The following AP1M2 variants were observed in gnomAD, a reference collection of about 807,000 sequenced individuals.
AP1M2 encodes AP-1 complex subunit mu-2.
In AP1M2, 41 loss-of-function variants were observed where a neutral mutation model predicts 54.6. The observed-to-expected ratio is 0.75, with a 90% CI of 0.59 to 0.97. The LOEUF (loss-of-function observed/expected upper bound fraction) is 0.97. Ranked by LOEUF, AP1M2 falls within the 50% of genes least tolerant of loss-of-function variation. The probability of loss-of-function intolerance (pLI) is 0.00; values close to 1 mark genes in which losing one functional copy is unlikely to be tolerated. For missense variants in AP1M2, 507 were observed against 561.2 expected (o/e 0.90, Z 0.98); for synonymous variants, 219 against 215.9 (o/e 1.01, Z -0.13).
intron 2 of AP1M2, 63 bp from the exon 3 acceptor site, chr19:10,583,736 G>A (rs370360608): frequency 9.1e-6 from 14 of 1,543,276 alleles, no homozygotes; most frequent in South Asian, 2.3e-5. Flanking sequence ...TACAGACCCC[G>A]AACCTCCACC....
intron 8 of AP1M2, among the ~76,000 whole-genome samples, chr19:10,577,644 C>T (rs1292247706): frequency 6.6e-6 from 1 of 150,840 alleles, no homozygotes; most frequent in Non-Finnish European, 1.5e-5. Context: ...AGCATGTTAG[C>T]CAGGATGTTC....
chr19:10,584,534 C>T (rs1025429589), intron 1 of AP1M2, among the ~76,000 whole-genome samples: 4 of 151,704 alleles, frequency 2.6e-5, no homozygotes, highest in African/African-American at 7.3e-5. Flanking sequence ...GAGCCGAGAT[C>T]GTGCCACTGC....
chr19:10,580,211 C>T (rs1917394199), intron 6 of AP1M2, among the ~76,000 whole-genome samples: 1 of 152,078 alleles, frequency 6.6e-6, no homozygotes, highest in Admixed American at 6.6e-5. Context: ...GCTACCACCC[C>T]CGGCTAATTT....
intron 11 of AP1M2, among the ~76,000 whole-genome samples, chr19:10,573,373 T>C (rs4804138): frequency 0.96 from 145,882 of 151,752 alleles, 70,159 homozygotes; most frequent in East Asian, 1. Flanking sequence ...GAGCTGAGAT[T>C]GCGCCACTGC....
At chr19:10,583,732 C>A (rs1315348122) in intron 2 of AP1M2, 59 bp from the exon 3 acceptor site, 2 of 1,548,116 alleles carry the variant, frequency 1.3e-6, no homozygotes, top group Non-Finnish European at 1.8e-6. Context: ...GGAATACAGA[C>A]CCCGAACCTC....
rs1353000575 is a variant in AP1M2, at chr19:10,577,189, G to A, written c.1047+9C>T. 6.2e-7 allele frequency: 1 copy of A among 1,607,396 alleles called. No homozygotes were observed. The highest frequency in any genetic ancestry group is 2.2e-5 in the East Asian group (1 of 44,668). On this transcript the variant is annotated intron_variant, in intron 9 of 11. Transcript: ENST00000250244. ...ACCCCCAGATCCCCCGCCAGTCCCT[G>A]GTACTTACCGGGAAAGACTTAATAC... is the stretch of plus-strand genomic sequence containing the variant.
intron 8 of AP1M2, 113 bp from the exon 9 acceptor site, chr19:10,577,469 T>C (rs534211513): frequency 1.8e-6 from 2 of 1,128,106 alleles, no homozygotes; most frequent in South Asian, 3.4e-5. Context: ...AGTCTCACTC[T>C]GTCGCCCAGG....
chr19:10,581,090 G>C (rs553420494), intron 6 of AP1M2, among the ~76,000 whole-genome samples, 176 bp downstream of exon 6: 1 of 152,170 alleles, frequency 6.6e-6, no homozygotes, highest in Non-Finnish European at 1.5e-5. Context: ...CCCAATAGTC[G>C]CTCAATCATG....
In AP1M2 at chr19:10,577,360, T is replaced by C. The variant is rs1917273992; in HGVS notation, c.889-4A>G. The C allele has an allele frequency of 6.3e-7, 1 of 1,587,154 alleles. No individual in the cohort carries two copies. The highest frequency in any genetic ancestry group is 8.6e-7 in the Non-Finnish European group (1 of 1,163,960). ...GTTTCTTAAACTGCCCCTTGGCCTG[T>C]CAGGGGAGCGAGCATGGGGCACGAA... On this transcript the variant is annotated splice_region_variant and splice_polypyrimidine_tract_variant and intron_variant, in intron 8 of 11. Coordinates refer to ENST00000250244, the MANE Select transcript of AP1M2 (RefSeq NM_005498.5).
intron 2 of AP1M2, 120 bp from the exon 3 acceptor site, chr19:10,583,793 C>A: frequency 6.7e-7 from 1 of 1,494,230 alleles, no homozygotes; most frequent in Non-Finnish European, 9.1e-7. Flanking sequence ...TGCCCCCCAG[C>A]CTAAGCCACA....
intron 1 of AP1M2, among the ~76,000 whole-genome samples, chr19:10,585,263 G>GAAAGAAGAAA (rs1244854476): frequency 8.4e-5 from 6 of 71,406 alleles, no homozygotes; most frequent in African/African-American, 2.9e-4. Context: ...AAGGAAAGAA[G>GAAAGAAGAAA]GAAAGAAAGA....
chr19:10,584,771 T>A (rs1456255690), intron 1 of AP1M2, among the ~76,000 whole-genome samples: 1 of 152,042 alleles, frequency 6.6e-6, no homozygotes, highest in Non-Finnish European at 1.5e-5. Flanking sequence ...GTTATCATCA[T>A]CTCCATTTCA....
At chr19:10,586,325 T>G (rs1325024327) in intron 1 of AP1M2, among the ~76,000 whole-genome samples, 1 of 142,224 alleles carries the variant, frequency 7.0e-6, no homozygotes, top group Non-Finnish European at 1.5e-5. Flanking sequence ...CATGGTGGCA[T>G]GCACCTGTAG....
chr19:10,586,280 C>G (rs1035346054), intron 1 of AP1M2, among the ~76,000 whole-genome samples: 31 of 125,996 alleles, frequency 2.5e-4, no homozygotes, highest in African/African-American at 9.1e-4. Context: ...GAGACTCTGT[C>G]TTGAAAAAAA....
chr19:10,585,283 AAAAGAAAGAAAG>A lies in AP1M2; in HGVS notation c.43-1225_43-1214del, dbSNP rs71297575. Among the ~76,000 whole-genome samples, 632 of 104,626 alleles carry A rather than the reference AAAAGAAAGAAAG, an allele frequency of 6.0e-3. 11 individuals carry two copies. The highest frequency in any genetic ancestry group is 0.011 in the South Asian group (35 of 3,140). 68.6% of individuals were successfully genotyped at this position (104,626 alleles called of 152,430 possible). A position where few individuals can be genotyped will look rare whatever the true frequency, so the allele number is the denominator to read the frequency against. On this transcript the variant is annotated intron_variant, in intron 1 of 11. Transcript: ENST00000250244. ...AAGAAGGAAAGAAAGAAAGAAGAAA[AAAAGAAAGAAAG>A]AAAGAAAGAAAGAAAGAAAGAAAGA...
At position 10,581,336 on chromosome 19, in the gene AP1M2, C is replaced by T. The variant is rs1234197168; in HGVS notation, c.603G>A (p.Lys201=). The change falls in exon 6 of 12, where the codon AAG becomes AAA. Residue 201 remains lysine (K), a synonymous_variant. Transcript: ENST00000250244. ...LSEIVGTIKL[K]VFLSGMPELR... is the part of the protein sequence containing the mutation. ...GCTCTGGCATTCCTGACAGAAACACCTTGAGCTTGATGGTACCGACGATTT... is the reference window on the plus strand; with the variant it reads ...GCTCTGGCATTCCTGACAGAAACACTTTGAGCTTGATGGTACCGACGATTT... 4 of 1,613,782 alleles carry T rather than the reference C, an allele frequency of 2.5e-6. No individual in the cohort carries two copies. In the Admixed American group the frequency reaches 5.0e-5, roughly 20 times the overall value.
intron 9 of AP1M2, among the ~76,000 whole-genome samples, chr19:10,576,141 G>C (rs1376913762): frequency 6.7e-6 from 1 of 149,880 alleles, no homozygotes; most frequent in Non-Finnish European, 1.5e-5. Flanking sequence ...ACCCAGGCTG[G>C]AGTGCGGTGG....
chr19:10,586,628 G>A (rs565077819), intron 1 of AP1M2, among the ~76,000 whole-genome samples: 2 of 152,136 alleles, frequency 1.3e-5, no homozygotes, highest in African/African-American at 2.4e-5. Context: ...CAGCTACTCC[G>A]GAGACTGAGG....
chr19:10,572,765 G>A lies in AP1M2; in HGVS notation c.*301C>T, dbSNP rs909845963. 8 of 337,098 alleles carry A rather than the reference G, an allele frequency of 2.4e-5. No individual in the cohort carries two copies. The highest frequency in any genetic ancestry group is 1.1e-4 in the African/African-American group (5 of 47,298). The allele number at this position is 337,098 out of a possible 1,614,324, so 20.9% of individuals were successfully genotyped here. A position where few individuals can be genotyped will look rare whatever the true frequency, so the allele number is the denominator to read the frequency against. ...TGTGAAGGAGGGACCCGCAACACCC[G>A]CTAAGGCAGGTAATTGCAAGAAGGC... On this transcript the variant is annotated 3_prime_UTR_variant, in exon 12 of 12. Coordinates refer to ENST00000250244, the MANE Select transcript of AP1M2 (RefSeq NM_005498.5).
Sources: allele counts gnomAD v4.1 joint callset (sites outside exome capture counted in the v4.1 genomes callset), GRCh38; gene constraint gnomAD v4.1.1; transcripts MANE v1.5; gene names NCBI Gene and HGNC (gene_info 2026-07-23, HGNC 2026-07-21).